DCDC2C: variants seen among roughly 807,000 people sequenced by gnomAD.
DCDC2C encodes the protein doublecortin domain containing 2C.
Under a neutral mutation model 45.0 loss-of-function variants are expected in DCDC2C, and 44 were observed. The ratio of observed to expected loss-of-function variants is 0.98; its 90% CI spans 0.77 to 1.26. The LOEUF is 1.26. Among genes scored for constraint, DCDC2C ranks in the 50% most tolerant of loss-of-function variants. The pLI, the probability that DCDC2C is intolerant of heterozygous loss-of-function variation, is 0.00. For missense variants in DCDC2C, 447 were observed against 468.9 expected (o/e 0.95, Z 0.43); for synonymous variants, 187 against 178.8 (o/e 1.05, Z -0.37).
intron 10 of DCDC2C, among the ~76,000 whole-genome samples, chr2:3,805,256 C>T (rs971463111): frequency 9.2e-5 from 14 of 152,154 alleles, no homozygotes; most frequent in Non-Finnish European, 2.9e-5. Flanking sequence ...AGGTGCTATT[C>T]GAATCCGGCA....
chr2:3,711,936 C>T (rs1443956724), intron 2 of DCDC2C, among the ~76,000 whole-genome samples: 7 of 152,188 alleles, frequency 4.6e-5, no homozygotes, highest in East Asian at 1.9e-4. Flanking sequence ...TGTCAGCGTG[C>T]GTGGCCTGGA....
chr2:3,727,109 A>G (rs976627276), intron 3 of DCDC2C, 30 bp downstream of exon 3: 3 of 1,511,198 alleles, frequency 2.0e-6, no homozygotes, highest in African/African-American at 1.4e-5. Context: ...TGAAAAAATC[A>G]AACTGTGCCA....
intron 7 of DCDC2C, 138 bp downstream of exon 7, chr2:3,768,018 G>T (rs758147598): frequency 6.3e-5 from 65 of 1,031,582 alleles, no homozygotes; most frequent in Non-Finnish European, 7.4e-5. Context: ...TTAATAAAAG[G>T]TTCAGCTTGT....
intron 8 of DCDC2C, among the ~76,000 whole-genome samples, chr2:3,772,643 A>G (rs1228009980): frequency 6.6e-6 from 1 of 152,082 alleles, no homozygotes; most frequent in Non-Finnish European, 1.5e-5. Flanking sequence ...ATGAGTGTTC[A>G]TTGTGCATTT....
At chr2:3,759,699 AG>A (rs1339867466) in intron 6 of DCDC2C, among the ~76,000 whole-genome samples, 3 of 152,218 alleles carry the variant, frequency 2.0e-5, no homozygotes, top group Non-Finnish European at 2.9e-5. Context: ...ATGAGAGTGA[AG>A]GGAGGCATGA....
In DCDC2C at chr2:3,704,015, C is replaced by G; in HGVS notation, c.264C>G (p.Gly88=). 1 of 1,283,518 alleles carries G rather than the reference C, an allele frequency of 7.8e-7. No homozygotes were observed. Among genetic ancestry groups the G allele is most frequent in the Non-Finnish European group, 9.9e-7 (1 of 1,014,700 alleles). 79.5% of individuals were successfully genotyped at this position (1,283,518 alleles called of 1,614,324 possible). A position where few individuals can be genotyped will look rare whatever the true frequency, so the allele number is the denominator to read the frequency against. ...LQAGGKYVAA[G]RERFKELDYI... Reference sequence around the variant, plus strand: ...CGGGCGGCAAGTACGTGGCGGCGGGCCGCGAGCGCTTCAAGGAGCTCGAGT... The same window carrying G: ...CGGGCGGCAAGTACGTGGCGGCGGGGCGCGAGCGCTTCAAGGAGCTCGAGT... Residue 88 remains glycine (G), a synonymous_variant, in exon 1 of 11, where the codon GGC becomes GGG. Coordinates refer to ENST00000399143, the MANE Select transcript of DCDC2C (RefSeq NM_001287444.2).
At chr2:3,846,983 G>C (rs1672349815) in intron 10 of DCDC2C, among the ~76,000 whole-genome samples, 171 bp from the exon 11 acceptor site, 1 of 152,182 alleles carries the variant, frequency 6.6e-6, no homozygotes, top group Non-Finnish European at 1.5e-5. Flanking sequence ...GGTGTGCCGT[G>C]AGGAGCTGTG....
intron 10 of DCDC2C, among the ~76,000 whole-genome samples, chr2:3,815,523 A>AT (rs1239675693): frequency 6.6e-6 from 1 of 152,032 alleles, no homozygotes; most frequent in Admixed American, 6.6e-5. Context: ...ATTCTTTGGG[A>AT]TTTTCTACTT....
intron 8 of DCDC2C, 67 bp downstream of exon 8, chr2:3,769,478 C>T (rs997948950): frequency 1.3e-5 from 18 of 1,391,054 alleles, no homozygotes; most frequent in Middle Eastern, 1.8e-4. Flanking sequence ...CCCGCCTCAG[C>T]GTCATCCTTC....
intron 2 of DCDC2C, among the ~76,000 whole-genome samples, chr2:3,714,197 A>G (rs917116678): frequency 1.1e-4 from 16 of 152,236 alleles, no homozygotes; most frequent in African/African-American, 3.9e-4. Context: ...TTAGAATACC[A>G]TAATATACAT....
chr2:3,837,124 G>A (rs1432453790), intron 10 of DCDC2C, among the ~76,000 whole-genome samples: 1 of 152,110 alleles, frequency 6.6e-6, no homozygotes, highest in Non-Finnish European at 1.5e-5. Flanking sequence ...ACGCTTCTGA[G>A]GAACATGAGG....
intron 4 of DCDC2C, among the ~76,000 whole-genome samples, chr2:3,747,660 A>G (rs113309140): frequency 6.6e-6 from 1 of 152,234 alleles, no homozygotes; most frequent in Admixed American, 6.5e-5. Context: ...ATCTCGCAGT[A>G]GAAGTGATAT....
At chr2:3,713,497 A>C (rs1335982926) in intron 2 of DCDC2C, among the ~76,000 whole-genome samples, 1 of 152,154 alleles carries the variant, frequency 6.6e-6, no homozygotes, top group Admixed American at 6.5e-5. Context: ...CCGGGTGCCC[A>C]GGGTCAGGGG....
chr2:3,785,080 T>G lies in DCDC2C; in HGVS notation c.1045T>G (p.Cys349Gly). ...CTAGGATAAAGAAGATGCAAGGCTT[T>G]GTGAAGACGTTGAAAGAAAGGTTTG... ...GNKDKEDARL[C>G]EDVERKMARE... The change falls in exon 10 of 11, where the codon TGT (cysteine) becomes GGT (glycine). Residue 349 changes from cysteine to glycine, a missense_variant. Transcript: ENST00000399143. 8.1e-7 allele frequency: 1 copy of G among 1,231,764 alleles called. No homozygotes were observed. The highest frequency in any genetic ancestry group is 3.2e-5 in the East Asian group (1 of 31,706). The allele number at this position is 1,231,764 out of a possible 1,614,324, so 76.3% of individuals were successfully genotyped here. A position where few individuals can be genotyped will look rare whatever the true frequency, so the allele number is the denominator to read the frequency against.
At chr2:3,828,248 C>T (rs1671874721) in intron 10 of DCDC2C, among the ~76,000 whole-genome samples, 1 of 152,194 alleles carries the variant, frequency 6.6e-6, no homozygotes, top group African/African-American at 2.4e-5. Context: ...CTGTCTTGTG[C>T]TTGGTGACAA....
chr2:3,817,368 A>C (rs1671580435), intron 10 of DCDC2C, among the ~76,000 whole-genome samples: 1 of 152,200 alleles, frequency 6.6e-6, no homozygotes, highest in Non-Finnish European at 1.5e-5. Context: ...CAGGATATGG[A>C]AGGCATATTT....
chr2:3,715,273 G>T (rs1325433106), intron 2 of DCDC2C, among the ~76,000 whole-genome samples: 1 of 151,954 alleles, frequency 6.6e-6, no homozygotes, highest in East Asian at 1.9e-4. Flanking sequence ...GCCTTCTTTT[G>T]CTTGAGATTT....
rs767346689 is a variant in DCDC2C at position 3,847,542 on chromosome 2, G to A, written c.*359G>A. ...GTACGGGAAGGTATCTCATTTATATGTAACTTGGAGGTTGTCACAAAAGCA... is the reference window on the plus strand; with the variant it reads ...GTACGGGAAGGTATCTCATTTATATATAACTTGGAGGTTGTCACAAAAGCA... On this transcript the variant is annotated 3_prime_UTR_variant, in exon 11 of 11. Coordinates refer to ENST00000399143, the MANE Select transcript of DCDC2C (RefSeq NM_001287444.2). 4 of 171,148 alleles carry A rather than the reference G, an allele frequency of 2.3e-5. No individual in the cohort carries two copies. The highest frequency in any genetic ancestry group is 1.3e-4 in the Admixed American group (2 of 15,830). The allele number at this position is 171,148 out of a possible 1,614,324, so 10.6% of individuals were successfully genotyped here.
chr2:3,766,573 G>A (rs139054471), intron 6 of DCDC2C, among the ~76,000 whole-genome samples: 16 of 152,198 alleles, frequency 1.1e-4, no homozygotes, highest in Non-Finnish European at 1.9e-4. Flanking sequence ...TTGTGTGGTC[G>A]CATGTATAAG....
Sources: allele counts gnomAD v4.1 joint callset (sites outside exome capture counted in the v4.1 genomes callset), GRCh38; gene constraint gnomAD v4.1.1; transcripts MANE v1.5; gene names NCBI Gene and HGNC (gene_info 2026-07-23, HGNC 2026-07-21).